The following ADCY10 variants were observed in gnomAD, a reference collection of about 807,000 sequenced individuals.
The protein encoded by ADCY10 is adenylate cyclase type 10.
ADCY10 carries 156 observed loss-of-function variants against 183.3 expected under a neutral mutation model. The ratio of observed to expected loss-of-function variants is 0.85; its 90% confidence interval spans 0.75 to 0.97. The LOEUF (loss-of-function observed/expected upper bound fraction) is 0.97, where lower values mean the gene tolerates loss of function less well. Among genes scored for constraint, ADCY10 ranks in the 50% least tolerant of loss-of-function variants. The probability of loss-of-function intolerance (pLI) is 0.00; values close to 1 mark genes in which losing one functional copy is unlikely to be tolerated. For missense variants in ADCY10, 1,745 were observed against 1,934.3 expected (o/e 0.90, Z 1.84); for synonymous variants, 645 against 670.0 (o/e 0.96, Z 0.58).
chr1:167,823,341 C>A (rs1415319977), intron 28 of ADCY10, among the ~76,000 whole-genome samples: 1 of 147,318 alleles, frequency 6.8e-6, no homozygotes, highest in Non-Finnish European at 1.5e-5. Flanking sequence ...AGGAGAATCG[C>A]TTGAAACCAG....
chr1:167,908,559 C>T (rs1669959837), intron 1 of ADCY10, among the ~76,000 whole-genome samples: 1 of 152,048 alleles, frequency 6.6e-6, no homozygotes, highest in African/African-American at 2.4e-5. Flanking sequence ...ACTGTTCTCA[C>T]CACACAAAAA....
chr1:167,816,414 C>T (rs572425908), intron 31 of ADCY10, among the ~76,000 whole-genome samples: 8 of 152,054 alleles, frequency 5.3e-5, no homozygotes, highest in African/African-American at 9.7e-5. Context: ...GGCATGTTGG[C>T]GGGCACCTGT....
At chr1:167,885,718 T>C (rs1243798178) in intron 8 of ADCY10, among the ~76,000 whole-genome samples, 1 of 152,082 alleles carries the variant, frequency 6.6e-6, no homozygotes, top group Non-Finnish European at 1.5e-5. Flanking sequence ...TGGGTTCAAG[T>C]GATTCTGTTG....
chr1:167,845,589 T>G lies in ADCY10; in HGVS notation c.2981A>C (p.Lys994Thr), dbSNP rs1664948906. 1.2e-6 allele frequency: 2 copies of G among 1,614,132 alleles called. No individual in the cohort carries two copies. The highest frequency in any genetic ancestry group is 1.7e-5 in the Admixed American group (1 of 60,008). ...TTTAAATCCATGAGACATAGCCATCTTTTTAATGGCATCCATGTCTAAAGC... is the reference window on the plus strand; with the variant it reads ...TTTAAATCCATGAGACATAGCCATCGTTTTAATGGCATCCATGTCTAAAGC... ...LNALDMDAIK[K>T]MAMSHGFKTE... Residue 994 changes from lysine to threonine, a missense_variant, in exon 21 of 33, where the codon AAG becomes ACG. Lys to Thr is a moderately conservative substitution (Grantham distance 78, BLOSUM62 -1). Transcript: ENST00000367851.
intron 14 of ADCY10, among the ~76,000 whole-genome samples, chr1:167,862,501 T>A (rs1666356442): frequency 6.6e-6 from 1 of 152,158 alleles, no homozygotes; most frequent in African/African-American, 2.4e-5. Context: ...TTCTTCCTCA[T>A]GGTCCAGAGA....
chr1:167,899,180 C>G (rs1669215418), intron 6 of ADCY10, among the ~76,000 whole-genome samples: 1 of 152,162 alleles, frequency 6.6e-6, no homozygotes, highest in Non-Finnish European at 1.5e-5. Context: ...GCCTCAATCC[C>G]CAAATTCCAT....
intron 14 of ADCY10, among the ~76,000 whole-genome samples, chr1:167,864,491 G>A (rs531526644): frequency 6.6e-5 from 10 of 152,224 alleles, no homozygotes; most frequent in East Asian, 1.9e-4. Flanking sequence ...GTTTCTGTAC[G>A]TAGACAATTA....
intron 8 of ADCY10, among the ~76,000 whole-genome samples, chr1:167,891,438 C>T (rs781620522): frequency 4.2e-4 from 63 of 151,632 alleles, no homozygotes; most frequent in Middle Eastern, 6.8e-3. Flanking sequence ...GGGAAGATCA[C>T]GAGGTCAGGA....
At chr1:167,850,321 G>A (rs1571299888) in intron 18 of ADCY10, among the ~76,000 whole-genome samples, 1 of 152,180 alleles carries the variant, frequency 6.6e-6, no homozygotes, top group East Asian at 1.9e-4. Context: ...TTGAGCGGGA[G>A]GATAATGCAT....
intron 14 of ADCY10, among the ~76,000 whole-genome samples, chr1:167,861,849 C>T (rs891543165): frequency 1.9e-4 from 29 of 152,222 alleles, no homozygotes; most frequent in African/African-American, 6.5e-4. Flanking sequence ...GGCGGTTCCC[C>T]CCATGCTGTT....
intron 8 of ADCY10, among the ~76,000 whole-genome samples, chr1:167,884,337 G>A (rs908929197): frequency 1.3e-5 from 2 of 152,140 alleles, no homozygotes; most frequent in Non-Finnish European, 1.5e-5. Flanking sequence ...AGAGCAGGGG[G>A]AGTGCTACAC....
In ADCY10 at chr1:167,818,027, C is replaced by T. The variant is rs12060498; in HGVS notation, c.4482+45G>A. The T allele has an allele frequency of 0.15, 235,521 of 1,536,274 alleles. 19,371 individuals carry two copies. Among genetic ancestry groups the T allele is most frequent in the African/African-American group, 0.22 (15,939 of 73,238 alleles). ...TTAGCACAGGAAGTAGACAGAGATC[C>T]ATTTAAGGCATATTTTATACTGGAA... On this transcript the variant is annotated intron_variant, in intron 31 of 32. Transcript: ENST00000367851.
chr1:167,882,681 G>C (rs1031443658), intron 9 of ADCY10, among the ~76,000 whole-genome samples: 1 of 151,868 alleles, frequency 6.6e-6, no homozygotes, highest in Non-Finnish European at 1.5e-5. Context: ...ATCATGCACT[G>C]AGCTGGAGAC....
At position 167,899,985 on chromosome 1, in the gene ADCY10, C is replaced by T. The variant is rs1049615715; in HGVS notation, c.437-357G>A. Among the ~76,000 whole-genome samples the T allele has an allele frequency of 2.6e-5, 4 of 152,182 alleles. No homozygotes were observed. The South Asian group carries it at 8.3e-4, about 32-fold the overall frequency. On this transcript the variant is annotated intron_variant, in intron 5 of 32. Transcript: ENST00000367851. ...TATTTTGGGAGAATTTGCATTTTAG[C>T]AGAGATTGAAGCTGTAACTAAAAAT...
Position 167,859,908 on chromosome 1 carries a change from A to G in ADCY10, c.1810-15T>C. 1 of 1,586,812 alleles carries G rather than the reference A, an allele frequency of 6.3e-7. No homozygotes were observed. The highest frequency in any genetic ancestry group is 8.7e-7 in the Non-Finnish European group (1 of 1,155,132). The stretch of plus-strand genomic sequence containing the variant: ...GAAATAGGGAACTGTACAAAGAATT[A>G]TGAGAATATTGAGTATGGGAAAATA... On this transcript the variant is annotated splice_polypyrimidine_tract_variant and intron_variant, in intron 15 of 32. Transcript: ENST00000367851.
At chr1:167,834,360 C>T (rs1664031286) in intron 23 of ADCY10, 1 of 504,060 alleles carries the variant, frequency 2.0e-6, no homozygotes, top group Non-Finnish European at 3.6e-6. Flanking sequence ...ATCTAGGTTG[C>T]CTTACCCGAA....
intron 30 of ADCY10, chr1:167,820,504 GA>G: frequency 2.6e-6 from 1 of 384,836 alleles, no homozygotes; most frequent in Non-Finnish European, 4.6e-6. Flanking sequence ...AGATAGACAA[GA>G]AAAATAAATT....
intron 31 of ADCY10, 125 bp downstream of exon 31, chr1:167,817,947 G>A (rs1558143642): frequency 3.1e-6 from 3 of 957,022 alleles, no homozygotes; most frequent in Non-Finnish European, 4.7e-6. Flanking sequence ...CTTTGGGGAA[G>A]TGCCTTCAAA....
At chr1:167,900,594 G>A (rs1206508737) in intron 5 of ADCY10, among the ~76,000 whole-genome samples, 5 of 151,708 alleles carry the variant, frequency 3.3e-5, no homozygotes, top group African/African-American at 7.3e-5. Context: ...GTGCAATGGC[G>A]CCATCTCGGC....
Sources: gnomAD v4.1 joint callset for allele counts (sites outside exome capture counted in the v4.1 genomes callset) on GRCh38, gnomAD v4.1.1 for gene constraint, MANE v1.5 for transcripts, NCBI Gene and HGNC (gene_info 2026-07-23, HGNC 2026-07-21) for gene names.